Variants in TAF12 observed in about 807,000 individuals in gnomAD.
TAF12 encodes the protein TATA-box binding protein associated factor 12.
Under a neutral mutation model 20.8 loss-of-function variants are expected in TAF12, and 3 were observed. That is an observed-to-expected ratio of 0.14 (90% confidence interval 0.07 to 0.37). TAF12 has a LOEUF of 0.37. Among genes scored for constraint, TAF12 ranks in the 10% least tolerant of loss-of-function variants. The probability of loss-of-function intolerance (pLI) is 1.00; values close to 1 mark genes in which losing one functional copy is unlikely to be tolerated. For synonymous variants in TAF12, 69 were observed against 70.2 expected (o/e 0.98, Z 0.09); for missense variants, 131 against 197.9 (o/e 0.66, Z 2.03).
chr1:28,643,156 C>T, upstream of TAF12: 1 of 973,710 alleles, frequency 1.0e-6, no homozygotes, highest in Non-Finnish European at 1.2e-6. Flanking sequence ...GCGCGCCTCG[C>T]TTGCGCAGGC....
chr1:28,608,768 A>G (rs1666757353), intron 4 of TAF12, among the ~76,000 whole-genome samples: 1 of 149,014 alleles, frequency 6.7e-6, no homozygotes, highest in Admixed American at 6.7e-5. Context: ...GTAAATAAAT[A>G]AATAAATAAA....
chr1:28,603,726 T>G, intron 5 of TAF12, 152 bp from the exon 6 acceptor site: 1 of 726,806 alleles, frequency 1.4e-6, no homozygotes, highest in East Asian at 2.7e-5. Flanking sequence ...TAGATTCCTT[T>G]TAACCAGAGA....
upstream of TAF12, among the ~76,000 whole-genome samples, chr1:28,647,213 C>T (rs1668215250): frequency 1.3e-5 from 2 of 152,050 alleles, no homozygotes; most frequent in African/African-American, 4.8e-5. Context: ...AAACTGTTCA[C>T]AGTTTGGAGG....
At chr1:28,614,195 G>A (rs1264050534) in intron 3 of TAF12, among the ~76,000 whole-genome samples, 1 of 151,854 alleles carries the variant, frequency 6.6e-6, no homozygotes, top group Non-Finnish European at 1.5e-5. Context: ...CTAAGATCGT[G>A]ACACTGTACT....
chr1:28,618,560 GAGAC>G (rs1413766596), intron 2 of TAF12, among the ~76,000 whole-genome samples: 7 of 133,738 alleles, frequency 5.2e-5, no homozygotes, highest in Non-Finnish European at 1.1e-4. Context: ...TTTTTTTTGA[GAGAC>G]AGGATCTCGC....
chr1:28,623,304 C>A (rs962512285), intron 1 of TAF12, among the ~76,000 whole-genome samples: 2 of 151,862 alleles, frequency 1.3e-5, no homozygotes, highest in African/African-American at 4.8e-5. Context: ...GGTGGATCAC[C>A]TGAGGTCAGG....
chr1:28,643,122 G>C (rs973219637), upstream of TAF12: 6 of 985,744 alleles, frequency 6.1e-6, no homozygotes, highest in Middle Eastern at 5.2e-4. Flanking sequence ...ACCCGGAAAC[G>C]CGCGGCTCTT....
At chr1:28,636,357 GTA>G (rs533933177) in intron 1 of TAF12, among the ~76,000 whole-genome samples, 214 of 150,718 alleles carry the variant, frequency 1.4e-3, no homozygotes, top group Non-Finnish European at 2.7e-3. Flanking sequence ...GTAGTATAGT[GTA>G]TAGTACAGTG....
At position 28,624,748 on chromosome 1, in the gene TAF12, A is replaced by G. The variant is rs77091348; in HGVS notation, c.-84-2583T>C. Among the ~76,000 whole-genome samples the G allele has an allele frequency of 2.9e-3, 433 of 151,624 alleles. 2 individuals carry two copies. The highest frequency in any genetic ancestry group is 0.01 in the African/African-American group (423 of 41,432). The stretch of plus-strand genomic sequence containing the variant: ...GGCAACAGAGCGAGACTCTGTCTCA[A>G]AAAAAAATAAAAATAAAAAAATAAA... On this transcript the variant is annotated intron_variant, in intron 1 of 5. Transcript: ENST00000373824.
At chr1:28,642,811 G>A in intron 1 of TAF12, 181 bp downstream of exon 1, 1 of 985,700 alleles carries the variant, frequency 1.0e-6, no homozygotes, top group Non-Finnish European at 1.2e-6. Flanking sequence ...TAGAGCCCGG[G>A]TCCCCACAGC....
chr1:28,641,454 G>C (rs1161823734), intron 1 of TAF12, among the ~76,000 whole-genome samples: 1 of 152,048 alleles, frequency 6.6e-6, no homozygotes, highest in East Asian at 1.9e-4. Context: ...CTGCACTCCA[G>C]CCTGGGTGAC....
At chr1:28,638,827 T>C (rs2124386531) in intron 1 of TAF12, among the ~76,000 whole-genome samples, 1 of 141,246 alleles carries the variant, frequency 7.1e-6, no homozygotes, top group East Asian at 2.2e-4. Flanking sequence ...AGCCTTGCTC[T>C]GTCACCCGGG....
intron 1 of TAF12, among the ~76,000 whole-genome samples, chr1:28,641,882 T>A (rs1668047800): frequency 6.6e-6 from 1 of 151,632 alleles, no homozygotes. Flanking sequence ...ACCAAGCATC[T>A]CATTTGCTAC....
At chr1:28,634,747 T>C (rs1234256910) in intron 1 of TAF12, among the ~76,000 whole-genome samples, 2 of 150,978 alleles carry the variant, frequency 1.3e-5, no homozygotes, top group African/African-American at 4.9e-5. Context: ...CCGACCAACA[T>C]GCAGAAAACC....
At position 28,603,578 on chromosome 1, in the gene TAF12, A is replaced by C. The variant is rs1208351137; in HGVS notation, c.451-4T>G. ...TTTTCCGGATCAATGCCATTCTCTGAAAGGAGAGACAAATAAGCAGTTATA... is the reference window on the plus strand; with the variant it reads ...TTTTCCGGATCAATGCCATTCTCTGCAAGGAGAGACAAATAAGCAGTTATA... On this transcript the variant is annotated splice_polypyrimidine_tract_variant and splice_region_variant and intron_variant, in intron 5 of 5. Transcript: ENST00000373824. 6.2e-7 allele frequency: 1 copy of C among 1,613,690 alleles called. No individual in the cohort carries two copies. The highest frequency in any genetic ancestry group is 8.5e-7 in the Non-Finnish European group (1 of 1,180,018).
chr1:28,609,415 G>T (rs753324309), intron 4 of TAF12, among the ~76,000 whole-genome samples: 1 of 151,776 alleles, frequency 6.6e-6, no homozygotes, highest in Non-Finnish European at 1.5e-5. Context: ...ATCATTTAGT[G>T]AATGAAATGT....
chr1:28,622,298 T>G, intron 1 of TAF12, 133 bp from the exon 2 acceptor site: 1 of 785,708 alleles, frequency 1.3e-6, no homozygotes, highest in Non-Finnish European at 1.7e-6. Context: ...GGTGGTAGCA[T>G]CACTTGAGCC....
chr1:28,615,678 C>CAAAAA lies in TAF12; in HGVS notation c.246+2270_246+2274dup, dbSNP rs57536422. The stretch of plus-strand genomic sequence containing the variant: ...TGGTCAACAGAGCGAGACTCCGTCT[C>CAAAAA]AAAAAAAAAAAAAAAAAAAAAAAAA... On this transcript the variant is annotated intron_variant, in intron 3 of 5. Coordinates refer to ENST00000373824, the MANE Select transcript of TAF12 (RefSeq NM_005644.4). Among the ~76,000 whole-genome samples, 95 of 34,518 alleles carry CAAAAA rather than the reference C, an allele frequency of 2.8e-3. 7 individuals carry two copies. Among genetic ancestry groups the CAAAAA allele is most frequent in the African/African-American group, 4.9e-3 (37 of 7,618 alleles). 22.6% of individuals were successfully genotyped at this position (34,518 alleles called of 152,430 possible). A position where few individuals can be genotyped will look rare whatever the true frequency, so the allele number is the denominator to read the frequency against.
In TAF12 at chr1:28,631,305, T is replaced by C. The variant is rs575863421; in HGVS notation, c.-84-9140A>G. Among the ~76,000 whole-genome samples the C allele has an allele frequency of 8.9e-3, 1,359 of 152,002 alleles. 18 individuals are homozygous for C. The highest frequency in any genetic ancestry group is 0.013 in the Non-Finnish European group (891 of 67,974). ...GGGAGGCCGAGGCAGGCAGATCACCTGAGGTCAGGAGTTTGAGACCAGCCT... is the reference window on the plus strand; with the variant it reads ...GGGAGGCCGAGGCAGGCAGATCACCCGAGGTCAGGAGTTTGAGACCAGCCT... On this transcript the variant is annotated intron_variant, in intron 1 of 5. Coordinates refer to ENST00000373824, the MANE Select transcript of TAF12 (RefSeq NM_005644.4).
Sources: gnomAD v4.1 joint callset for allele counts (sites outside exome capture counted in the v4.1 genomes callset) on GRCh38, gnomAD v4.1.1 for gene constraint, MANE v1.5 for transcripts, NCBI Gene and HGNC (gene_info 2026-07-23, HGNC 2026-07-21) for gene names.